Variants in LMF1 observed in about 807,000 individuals in gnomAD.
LMF1 encodes lipase maturation factor 1.
A neutral mutation model predicts 60.6 loss-of-function variants in LMF1; 68 were observed. The ratio of observed to expected loss-of-function variants is 1.12; its 90% CI spans 0.92 to 1.37. The LOEUF is 1.37. LMF1 is among the 40% of genes most tolerant of loss of function. The pLI is 0.00. For missense variants in LMF1, 948 were observed against 767.2 expected (o/e 1.24, Z -2.78); for synonymous variants, 418 against 324.7 (o/e 1.29, Z -3.09).
chr16:918,645 G>T (rs952111500), intron 3 of LMF1, among the ~76,000 whole-genome samples: 1 of 152,108 alleles, frequency 6.6e-6, no homozygotes, highest in Non-Finnish European at 1.5e-5. Flanking sequence ...TGTGCCCACG[G>T]AGCTGTCCTG....
chr16:867,118 C>G (rs1390170595), intron 10 of LMF1, among the ~76,000 whole-genome samples: 1 of 152,192 alleles, frequency 6.6e-6, no homozygotes, highest in Non-Finnish European at 1.5e-5. Flanking sequence ...AGCTGCCAAA[C>G]ATGTGTATCA....
intron 4 of LMF1, chr16:899,707 C>T (rs1315443711): frequency 1.3e-5 from 2 of 152,394 alleles, no homozygotes; most frequent in East Asian, 3.9e-4. Context: ...ATGACCCACA[C>T]CTCCCATGGG....
At chr16:885,866 A>G (rs1242099711) in intron 5 of LMF1, among the ~76,000 whole-genome samples, 2 of 152,210 alleles carry the variant, frequency 1.3e-5, no homozygotes, top group African/African-American at 4.8e-5. Flanking sequence ...CTATTGGCCA[A>G]TTTGATCTAA....
At chr16:926,488 G>A (rs762497330) in intron 3 of LMF1, among the ~76,000 whole-genome samples, 1 of 152,248 alleles carries the variant, frequency 6.6e-6, no homozygotes, top group African/African-American at 2.4e-5. Context: ...GTGCGCATGT[G>A]CGCACGTGTG....
chr16:880,586 C>T (rs1837935652), intron 5 of LMF1, among the ~76,000 whole-genome samples: 1 of 152,200 alleles, frequency 6.6e-6, no homozygotes, highest in Admixed American at 6.5e-5. Context: ...AGGAGGATCG[C>T]CTGAACCCAG....
intron 5 of LMF1, among the ~76,000 whole-genome samples, chr16:884,585 T>C (rs760254154): frequency 6.6e-6 from 1 of 152,228 alleles, no homozygotes; most frequent in South Asian, 2.1e-4. Flanking sequence ...TGATCACAGA[T>C]GGAAACCTGG....
intron 1 of LMF1, chr16:964,010 G>A (rs2072870816): frequency 4.4e-6 from 2 of 455,784 alleles, no homozygotes; most frequent in Admixed American, 2.3e-5. Flanking sequence ...CAGAGCCATG[G>A]CGGCCACCCG....
At position 869,873 on chromosome 16, in the gene LMF1, C is replaced by T. The variant is rs747441260; in HGVS notation, c.1416+10G>A. 9 of 1,608,646 alleles carry T rather than the reference C, an allele frequency of 5.6e-6. No individual in the cohort carries two copies. The highest frequency in any genetic ancestry group is 3.3e-5 in the South Asian group (3 of 90,624). ...GCAGGTCCATGCGCCCGCCAGGGAC[C>T]GTCCCCCACCTGGAAGGCCGCGAAC... is the stretch of plus-strand genomic sequence containing the variant. On this transcript the variant is annotated intron_variant, in intron 9 of 10. Coordinates refer to ENST00000262301, the MANE Select transcript of LMF1 (RefSeq NM_022773.4).
At chr16:893,559 C>T (rs1278628282) in intron 4 of LMF1, among the ~76,000 whole-genome samples, 1 of 152,148 alleles carries the variant, frequency 6.6e-6, no homozygotes, top group African/African-American at 2.4e-5. Flanking sequence ...GTGTGTCTCC[C>T]ACACACTGCA....
intron 10 of LMF1, among the ~76,000 whole-genome samples, chr16:861,262 G>A (rs2069455845): frequency 6.6e-6 from 1 of 151,448 alleles, no homozygotes; most frequent in Non-Finnish European, 1.5e-5. Context: ...AGGTGTCTGT[G>A]TGTTCATTGC....
upstream of LMF1, among the ~76,000 whole-genome samples, chr16:972,633 C>T (rs563960233): frequency 9.2e-5 from 14 of 152,346 alleles, no homozygotes; most frequent in South Asian, 2.1e-4. Flanking sequence ...GACTGCCCTG[C>T]GTCAGGTGTG....
intron 2 of LMF1, among the ~76,000 whole-genome samples, chr16:944,167 C>T (rs1049004481): frequency 2.0e-5 from 3 of 151,950 alleles, no homozygotes; most frequent in Non-Finnish European, 2.9e-5. Context: ...ACCTCTGGAC[C>T]GGCTGATGGG....
At position 910,949 on chromosome 16, in the gene LMF1, G is replaced by A; in HGVS notation, c.645C>T (p.Phe215=). ...CACTTACTGCTCCAAGCATGATCCT[G>A]AAGATCAGCCACCGGAAGCCCCACA... The part of the protein sequence containing the change: ...IVLWGFRWLI[F]RIMLGAGLIK... The change falls in exon 4 of 11, where the codon TTC becomes TTT. Residue 215 remains phenylalanine (F), a synonymous_variant. Coordinates refer to ENST00000262301, the MANE Select transcript of LMF1 (RefSeq NM_022773.4). 6.2e-7 allele frequency: 1 copy of A among 1,612,894 alleles called. No homozygotes were observed. The highest frequency in any genetic ancestry group is 8.5e-7 in the Non-Finnish European group (1 of 1,179,864).
At chr16:967,489 C>T (rs935517857) in intron 1 of LMF1, among the ~76,000 whole-genome samples, 5 of 152,204 alleles carry the variant, frequency 3.3e-5, no homozygotes, top group South Asian at 2.1e-4. Context: ...CAGGAGGCAC[C>T]GGCACCCATG....
At chr16:864,527 C>T (rs915457085) in intron 10 of LMF1, among the ~76,000 whole-genome samples, 6 of 152,148 alleles carry the variant, frequency 3.9e-5, no homozygotes, top group South Asian at 2.1e-4. Context: ...GTTCTGAGCA[C>T]GTTTAAGGTA....
At chr16:854,812 A>G (rs2069143823) in intron 10 of LMF1, 106 bp from the exon 11 acceptor site, 4 of 1,070,732 alleles carry the variant, frequency 3.7e-6, no homozygotes, top group Non-Finnish European at 5.5e-6. Flanking sequence ...TCCCCCACGG[A>G]CAGAGGGGCT....
intron 2 of LMF1, among the ~76,000 whole-genome samples, chr16:943,195 C>A (rs1175431599): frequency 6.7e-6 from 1 of 149,508 alleles, no homozygotes; most frequent in East Asian, 2.0e-4. Flanking sequence ...CACGGTGAAA[C>A]CCTGTCTCTA....
At chr16:934,218 G>A in intron 3 of LMF1, 26 bp downstream of exon 3, 5 of 1,599,372 alleles carry the variant, frequency 3.1e-6, no homozygotes, top group Non-Finnish European at 4.2e-6. Flanking sequence ...CTCTCGCAGA[G>A]CTTTCTCTAA....
upstream of LMF1, among the ~76,000 whole-genome samples, chr16:975,372 G>T (rs1221653069): frequency 1.3e-5 from 2 of 152,044 alleles, no homozygotes; most frequent in Non-Finnish European, 2.9e-5. Flanking sequence ...GAAGCCTTGA[G>T]AGTTGCCTGG....
Sources: allele counts gnomAD v4.1 joint callset (sites outside exome capture counted in the v4.1 genomes callset), GRCh38; gene constraint gnomAD v4.1.1; transcripts MANE v1.5; gene names NCBI Gene and HGNC (gene_info 2026-07-23, HGNC 2026-07-21).